EVL: variants seen among roughly 807,000 people sequenced by gnomAD.
The protein encoded by EVL is Enah/Vasp-like, also known as ena/VASP-like protein.
In EVL, 21 loss-of-function variants were observed where a neutral mutation model predicts 59.6. The ratio of observed to expected loss-of-function variants is 0.35; its 90% CI spans 0.25 to 0.51. The LOEUF (loss-of-function observed/expected upper bound fraction) is 0.51, where lower values mean the gene tolerates loss of function less well. Ranked by LOEUF, EVL falls within the 20% of genes least tolerant of loss-of-function variation. The pLI is 0.97. For missense variants in EVL, 462 were observed against 546.6 expected, an observed-to-expected ratio of 0.85 and a Z score of 1.54; for synonymous variants, 198 against 203.5, an observed-to-expected ratio of 0.97 and a Z score of 0.23.
At chr14:100,076,083 T>C (rs559879395) in intron 1 of EVL, among the ~76,000 whole-genome samples, 1 of 152,340 alleles carries the variant, frequency 6.6e-6, no homozygotes, top group African/African-American at 2.4e-5. Context: ...GATTCAAACC[T>C]CTGGATGTAG....
chr14:100,102,518 C>G (rs1886286647), intron 3 of EVL: 1 of 379,350 alleles, frequency 2.6e-6, no homozygotes, highest in Non-Finnish European at 5.3e-6. Flanking sequence ...GGAGAAACTT[C>G]TTGTTTAGCT....
intron 1 of EVL, among the ~76,000 whole-genome samples, chr14:100,037,691 T>A (rs1418823989): frequency 6.6e-6 from 1 of 152,214 alleles, no homozygotes; most frequent in Non-Finnish European, 1.5e-5. Context: ...TGTGAGTCCC[T>A]CTTTTGGACA....
At chr14:100,046,404 C>T (rs2061546084) in intron 1 of EVL, among the ~76,000 whole-genome samples, 2 of 152,180 alleles carry the variant, frequency 1.3e-5, no homozygotes, top group Non-Finnish European at 2.9e-5. Flanking sequence ...AGGTGGCTCA[C>T]ACCTGTAATC....
intron 1 of EVL, among the ~76,000 whole-genome samples, chr14:100,027,936 A>G (rs562024996): frequency 6.6e-6 from 1 of 152,308 alleles, no homozygotes; most frequent in South Asian, 2.1e-4. Context: ...TGGCCTCCCA[A>G]AGTACTGGGA....
chr14:100,053,074 C>T (rs2061671650), intron 1 of EVL: 2 of 152,148 alleles, frequency 1.3e-5, no homozygotes, highest in Admixed American at 6.5e-5. Flanking sequence ...AATCAGGGCC[C>T]TACCCTTAGG....
intron 9 of EVL, among the ~76,000 whole-genome samples, chr14:100,136,897 C>G (rs556322021): frequency 2.0e-5 from 3 of 152,266 alleles, no homozygotes; most frequent in African/African-American, 7.2e-5. Context: ...GTCTGTAGCC[C>G]CAGGTCTAGT....
upstream of EVL, among the ~76,000 whole-genome samples, chr14:100,062,741 T>G (rs1036529175): frequency 6.6e-5 from 10 of 152,120 alleles, no homozygotes; most frequent in African/African-American, 1.9e-4. Context: ...AGTGAAAGGA[T>G]GGGTAGTAGG....
rs188116353 is a variant in EVL, at chr14:100,082,989, G to T, written c.12-1698G>T. Among the ~76,000 whole-genome samples, 1,266 of 152,304 alleles carry T rather than the reference G, an allele frequency of 8.3e-3. 10 individuals are homozygous for T. The highest frequency in any genetic ancestry group is 0.015 in the Non-Finnish European group (1,025 of 68,016). On this transcript the variant is annotated intron_variant, in intron 1 of 13. Transcript: ENST00000392920. ...CTCCTGCAGGGGAACTGAAGGGCGT[G>T]CTTCCATGGCTGCCACACAGGGACT...
Position 100,128,701 on chromosome 14 carries a change from G to T in EVL, c.670G>T (p.Gly224Ter). ...GSSHDESSMS[G>*]LAAAIAGAKL... ...CAGCCACGACGAGAGCTCCATGTCA[G>T]GACTGGCCGCTGCCATAGCTGGGGC... is the stretch of plus-strand genomic sequence containing the variant. The change falls in exon 6 of 14, where the codon GGA (glycine) becomes TGA (stop). Residue 224 changes from glycine (G) to a stop codon, truncating the protein, a stop_gained. Transcript: ENST00000392920. LOFTEE classifies it high-confidence loss of function. 6.2e-7 allele frequency: 1 copy of T among 1,606,958 alleles called. No individual in the cohort carries two copies.
intron 1 of EVL, among the ~76,000 whole-genome samples, chr14:100,045,701 C>T (rs1206896481): frequency 6.6e-6 from 1 of 152,224 alleles, no homozygotes; most frequent in Non-Finnish European, 1.5e-5. Flanking sequence ...TATTGATAAA[C>T]TACAGCATTA....
At chr14:100,043,924 A>G (rs1027508832) in intron 1 of EVL, among the ~76,000 whole-genome samples, 1 of 151,998 alleles carries the variant, frequency 6.6e-6, no homozygotes, top group Non-Finnish European at 1.5e-5. Context: ...GTATATGTAT[A>G]GATATACAAG....
At chr14:100,056,211 C>T (rs976830529) in intron 1 of EVL, among the ~76,000 whole-genome samples, 1 of 151,294 alleles carries the variant, frequency 6.6e-6, no homozygotes, top group Non-Finnish European at 1.5e-5. Context: ...GTCATTTCAT[C>T]TTTTTTTTAA....
intron 8 of EVL, among the ~76,000 whole-genome samples, chr14:100,133,666 A>G (rs571865927): frequency 2.0e-4 from 30 of 152,208 alleles, no homozygotes; most frequent in African/African-American, 6.0e-4. Context: ...CGGCCGGCTC[A>G]ACACTTCACA....
chr14:100,058,898 G>A (rs1201245937), intron 1 of EVL, among the ~76,000 whole-genome samples: 1 of 152,142 alleles, frequency 6.6e-6, no homozygotes, highest in East Asian at 1.9e-4. Context: ...GTGCCAAAAG[G>A]TTCACTCTTA....
intron 9 of EVL, 145 bp downstream of exon 9, chr14:100,136,113 TCCCCCAGAGCCTC>T (rs138096463): frequency 0.48 from 403,610 of 842,294 alleles, 101,500 homozygotes; most frequent in Admixed American, 0.56. Context: ...TTCTTATGGG[TCCCCCAGAGCCTC>T]CCCCAGGAGC....
upstream of EVL, among the ~76,000 whole-genome samples, chr14:100,060,588 T>C (rs1207756348): frequency 6.6e-6 from 1 of 151,888 alleles, no homozygotes; most frequent in Non-Finnish European, 1.5e-5. Flanking sequence ...AATGGGAAAA[T>C]ATTTTAAAAA....
At position 99,972,159 on chromosome 14, in the gene EVL, G is replaced by C. The variant is rs2060738091; in HGVS notation, c.5+102G>C. The C allele has an allele frequency of 4.0e-6, 1 of 251,158 alleles. No individual in the cohort carries two copies. The highest frequency in any genetic ancestry group is 2.3e-5 in the African/African-American group (1 of 43,858). The allele number at this position is 251,158 out of a possible 1,614,324, so 15.6% of individuals were successfully genotyped here. The stretch of plus-strand genomic sequence containing the variant: ...CCCGAGGGCGGGAGGGGGGCTCCAC[G>C]GGCGCGGGGGCTTCCAGAGAACCGC... On this transcript the variant is annotated intron_variant, in intron 1 of 13. Coordinates refer to the EVL transcript ENST00000402714. This position sits in a 1 kb window ranked among gnomAD's most constrained non-coding sequence, Gnocchi z 4.4.
At chr14:100,078,825 T>C (rs759483513) in intron 1 of EVL, among the ~76,000 whole-genome samples, 13 of 152,200 alleles carry the variant, frequency 8.5e-5, no homozygotes, top group Non-Finnish European at 1.9e-4. Flanking sequence ...CCTTCTGTTA[T>C]GGGCAAATGC....
intron 1 of EVL, chr14:99,977,329 G>A (rs1304950247): frequency 6.6e-6 from 1 of 152,118 alleles, no homozygotes; most frequent in African/African-American, 2.4e-5. Flanking sequence ...CCTTTCTCCT[G>A]TCTTGATTTC....
Sources: allele counts gnomAD v4.1 joint callset (sites outside exome capture counted in the v4.1 genomes callset), GRCh38; gene constraint gnomAD v4.1.1; non-coding constraint Gnocchi (gnomAD v3.1); transcripts MANE v1.5; gene names NCBI Gene and HGNC (gene_info 2026-07-23, HGNC 2026-07-21).